Variants in NUS1 observed in about 807,000 individuals in gnomAD.
NUS1 encodes dehydrodolichyl diphosphate synthase complex subunit NUS1.
For synonymous variants in NUS1, 135 were observed against 155.2 expected, an observed-to-expected ratio of 0.87 and a Z score of 0.97; for missense variants, 292 against 382.9, an observed-to-expected ratio of 0.76 and a Z score of 1.98.
chr6:117,701,726 G>T (rs1187685107), intron 3 of NUS1, among the ~76,000 whole-genome samples: 1 of 151,824 alleles, frequency 6.6e-6, no homozygotes, highest in Non-Finnish European at 1.5e-5. Context: ...TTTATATCCT[G>T]CAACCTTCCT....
At chr6:117,682,087 C>A (rs1330780042) in intron 1 of NUS1, among the ~76,000 whole-genome samples, 1 of 152,198 alleles carries the variant, frequency 6.6e-6, no homozygotes, top group Admixed American at 6.5e-5. Context: ...CTGCCTCAGC[C>A]TCCCAAAGTG....
chr6:117,681,104 TG>T (rs1001870039), intron 1 of NUS1, among the ~76,000 whole-genome samples: 4 of 152,214 alleles, frequency 2.6e-5, no homozygotes, highest in African/African-American at 9.7e-5. Context: ...AAGAGGCTAT[TG>T]TTCATCTTTT....
chr6:117,701,389 C>T (rs1042238262), intron 3 of NUS1, among the ~76,000 whole-genome samples: 12 of 151,898 alleles, frequency 7.9e-5, no homozygotes, highest in African/African-American at 1.9e-4. Flanking sequence ...GGACTACAGG[C>T]GCCCGCCACC....
chr6:117,676,978 C>T (rs1295454218), intron 1 of NUS1, among the ~76,000 whole-genome samples: 1 of 152,172 alleles, frequency 6.6e-6, no homozygotes, highest in Non-Finnish European at 1.5e-5. Context: ...AAAATGGTCC[C>T]TTTCTGTCTT....
intron 1 of NUS1, among the ~76,000 whole-genome samples, chr6:117,680,862 T>C (rs1773051947): frequency 6.6e-6 from 1 of 152,206 alleles, no homozygotes; most frequent in African/African-American, 2.4e-5. Flanking sequence ...CTGCTCTTTC[T>C]AGTGCTATTT....
intron 1 of NUS1, among the ~76,000 whole-genome samples, chr6:117,684,241 G>T (rs1373697975): frequency 6.6e-6 from 1 of 152,186 alleles, no homozygotes; most frequent in Admixed American, 6.5e-5. Flanking sequence ...CAATCCCATG[G>T]ATTTAAATGT....
intron 1 of NUS1, among the ~76,000 whole-genome samples, chr6:117,692,350 CT>C (rs200018137): frequency 1.3e-5 from 2 of 150,578 alleles, no homozygotes; most frequent in Non-Finnish European, 1.5e-5. Flanking sequence ...AGACTTGTTC[CT>C]TTTTTTTTAG....
chr6:117,703,446 G>A (rs570217772), intron 3 of NUS1, among the ~76,000 whole-genome samples, 159 bp from the exon 4 acceptor site: 1 of 152,194 alleles, frequency 6.6e-6, no homozygotes, highest in African/African-American at 2.4e-5. Flanking sequence ...AGAGTTGGGG[G>A]TGGGGCATGG....
intron 1 of NUS1, among the ~76,000 whole-genome samples, chr6:117,678,686 T>G (rs1228837432): frequency 6.9e-6 from 1 of 145,626 alleles, no homozygotes; most frequent in African/African-American, 2.5e-5. Flanking sequence ...GGTTTTTTTT[T>G]TTTTTTTTTT....
At chr6:117,705,265 T>C (rs371487227) in intron 4 of NUS1, among the ~76,000 whole-genome samples, 32 of 151,976 alleles carry the variant, frequency 2.1e-4, no homozygotes, top group African/African-American at 7.5e-4. Flanking sequence ...TCTCCAAGGG[T>C]TTTCAAGTCA....
At chr6:117,676,564 G>A (rs1772985058) in intron 1 of NUS1, among the ~76,000 whole-genome samples, 1 of 152,176 alleles carries the variant, frequency 6.6e-6, no homozygotes, top group South Asian at 2.1e-4. Flanking sequence ...GGCAACAAGA[G>A]CGAAACTCTG....
At chr6:117,697,162 A>G (rs1773331853) in intron 3 of NUS1, among the ~76,000 whole-genome samples, 1 of 152,082 alleles carries the variant, frequency 6.6e-6, no homozygotes, top group Non-Finnish European at 1.5e-5. Flanking sequence ...CATACAAGAG[A>G]TACACAAAAA....
At chr6:117,684,836 A>G (rs907000611) in intron 1 of NUS1, among the ~76,000 whole-genome samples, 4 of 152,218 alleles carry the variant, frequency 2.6e-5, no homozygotes, top group Non-Finnish European at 5.9e-5. Flanking sequence ...TTTGTTTAAT[A>G]CAGTTGTTAA....
At chr6:117,687,294 C>T (rs2114682653) in intron 1 of NUS1, among the ~76,000 whole-genome samples, 1 of 152,210 alleles carries the variant, frequency 6.6e-6, no homozygotes, top group South Asian at 2.1e-4. Context: ...TTAAGCAGCA[C>T]TTTGTACATT....
At chr6:117,700,681 C>T (rs1446341598) in intron 3 of NUS1, among the ~76,000 whole-genome samples, 2 of 152,106 alleles carry the variant, frequency 1.3e-5, no homozygotes, top group African/African-American at 4.8e-5. Flanking sequence ...GCACTGTTCA[C>T]AATAGCCAAG....
At chr6:117,681,579 T>TTCAAC (rs1773062554) in intron 1 of NUS1, among the ~76,000 whole-genome samples, 2 of 152,170 alleles carry the variant, frequency 1.3e-5, no homozygotes, top group Non-Finnish European at 2.9e-5. Context: ...TTAAGTTTAT[T>TTCAAC]CTCCTTATGT....
intron 4 of NUS1, among the ~76,000 whole-genome samples, chr6:117,705,638 G>A (rs1185896614): frequency 6.6e-6 from 1 of 152,074 alleles, no homozygotes; most frequent in African/African-American, 2.4e-5. Flanking sequence ...GGAAGGGTGG[G>A]GTTCTGACAG....
rs761687791 is a variant in NUS1, at chr6:117,694,192, T to A, written c.691+12T>A. ...AGCCAGTTTACTTAGTAAGTTTTTT[T>A]ATATATATATACATATATATGTATA... On this transcript the variant is annotated intron_variant, in intron 3 of 4. Transcript: ENST00000368494. 3.0e-5 allele frequency: 43 copies of A among 1,437,048 alleles called. No homozygotes were observed. Among genetic ancestry groups the A allele is most frequent in the African/African-American group, 2.2e-4 (15 of 69,002 alleles). 89.0% of individuals were successfully genotyped at this position (1,437,048 alleles called of 1,614,324 possible).
At chr6:117,685,858 C>T (rs1352901955) in intron 1 of NUS1, among the ~76,000 whole-genome samples, 1 of 151,814 alleles carries the variant, frequency 6.6e-6, no homozygotes, top group Non-Finnish European at 1.5e-5. Flanking sequence ...TTAAAAAGAG[C>T]TCTGGAGTCA....
Sources: gnomAD v4.1 joint callset for allele counts (sites outside exome capture counted in the v4.1 genomes callset) on GRCh38, gnomAD v4.1.1 for gene constraint, MANE v1.5 for transcripts, NCBI Gene and HGNC (gene_info 2026-07-23, HGNC 2026-07-21) for gene names.